Variants in SH3YL1 observed in about 807,000 individuals in gnomAD.
The protein encoded by SH3YL1 is SH3 domain-containing YSC84-like protein 1.
SH3YL1 carries 41 observed loss-of-function variants against 45.8 expected under a neutral mutation model. That is an observed-to-expected ratio of 0.89 (90% CI 0.70 to 1.16). The LOEUF is 1.16. SH3YL1 is among the 50% of genes most tolerant of loss of function. The pLI, the probability that SH3YL1 is intolerant of heterozygous loss-of-function variation, is 0.00. For synonymous variants in SH3YL1, 152 were observed against 151.4 expected (o/e 1.00, Z -0.03); for missense variants, 389 against 409.6 (o/e 0.95, Z 0.43).
At chr2:248,640 T>C (rs1259344021) in intron 3 of SH3YL1, among the ~76,000 whole-genome samples, 1 of 152,130 alleles carries the variant, frequency 6.6e-6, no homozygotes, top group East Asian at 1.9e-4. Context: ...GTATTGACTG[T>C]CCCTACCCTT....
At chr2:247,023 C>T (rs555255117) in intron 4 of SH3YL1, among the ~76,000 whole-genome samples, 2 of 152,318 alleles carry the variant, frequency 1.3e-5, no homozygotes, top group South Asian at 2.1e-4. Context: ...GTGTAGGAGG[C>T]CTCTGTGAGT....
intron 9 of SH3YL1, among the ~76,000 whole-genome samples, chr2:220,459 T>C (rs1667523681): frequency 6.6e-6 from 1 of 152,174 alleles, no homozygotes; most frequent in South Asian, 2.1e-4. Context: ...TATTTACTTT[T>C]AGTTAACAAT....
In SH3YL1 at chr2:218,814, A is replaced by G; in HGVS notation, c.1026T>C (p.Asn342=). Residue 342 remains asparagine, a synonymous_variant, in exon 10 of 10, where the codon AAT becomes AAC. Coordinates refer to ENST00000356150, the MANE Select transcript of SH3YL1 (RefSeq NM_015677.4). ...GIFPANYVTM[N] ...AAAGAAGAAAATAGTATACGCTTTAATTCATGGTTACGTAGTTGGCTGGAA... is the reference window on the plus strand; with the variant it reads ...AAAGAAGAAAATAGTATACGCTTTAGTTCATGGTTACGTAGTTGGCTGGAA... The G allele has an allele frequency of 1.2e-6, 2 of 1,610,102 alleles. No individual in the cohort carries two copies.
chr2:244,140 G>A (rs768651623), intron 4 of SH3YL1, among the ~76,000 whole-genome samples: 9 of 151,850 alleles, frequency 5.9e-5, no homozygotes, highest in Admixed American at 1.3e-4. Flanking sequence ...AAATGAGAGC[G>A]ATGACAACCA....
chr2:264,022 C>A lies in SH3YL1; in HGVS notation c.-38G>T. The A allele has an allele frequency of 7.1e-7, 1 of 1,411,332 alleles. No homozygotes were observed. The highest frequency in any genetic ancestry group is 1.5e-5 in the South Asian group (1 of 66,216). 87.4% of individuals were successfully genotyped at this position (1,411,332 alleles called of 1,614,324 possible). A position where few individuals can be genotyped will look rare whatever the true frequency, so the allele number is the denominator to read the frequency against. ...GCCGCGGCGCCCCGTCCCGAGGCTG[C>A]CCAGGAAGAGGAAGGCGCGCTGCCC... On this transcript the variant is annotated 5_prime_UTR_variant, in exon 1 of 10. Transcript: ENST00000356150.
chr2:247,020 A>C (rs1668845429), intron 4 of SH3YL1, among the ~76,000 whole-genome samples: 1 of 152,218 alleles, frequency 6.6e-6, no homozygotes, highest in African/African-American at 2.4e-5. Flanking sequence ...CCCGTGTAGG[A>C]GGCCTCTGTG....
At chr2:247,623 C>A in intron 3 of SH3YL1, 21 bp from the exon 4 acceptor site, 1 of 1,545,204 alleles carries the variant, frequency 6.5e-7, no homozygotes, top group Middle Eastern at 1.7e-4. Flanking sequence ...AACAAACGAA[C>A]GTTATCCTAA....
upstream of SH3YL1, chr2:264,074 G>C (rs928055455): frequency 7.4e-7 from 1 of 1,346,564 alleles, no homozygotes; most frequent in African/African-American, 1.5e-5. Flanking sequence ...AGGCCCCAGC[G>C]AGGGCGTACC....
intron 8 of SH3YL1, among the ~76,000 whole-genome samples, chr2:228,899 C>T (rs1449766728): frequency 1.3e-5 from 2 of 152,200 alleles, no homozygotes; most frequent in Admixed American, 1.3e-4. Context: ...GATGCGCTTC[C>T]CGCCTTCTGC....
intron 3 of SH3YL1, among the ~76,000 whole-genome samples, chr2:249,067 C>A (rs1049008980): frequency 6.6e-6 from 1 of 152,136 alleles, no homozygotes; most frequent in Non-Finnish European, 1.5e-5. Context: ...AATAGAAAAA[C>A]GTGTTCACTG....
intron 1 of SH3YL1, among the ~76,000 whole-genome samples, chr2:258,288 A>G (rs1239056228): frequency 6.6e-6 from 1 of 152,232 alleles, no homozygotes; most frequent in Non-Finnish European, 1.5e-5. Flanking sequence ...ATCCTTGAAC[A>G]AGGAATGTTT....
intron 4 of SH3YL1, among the ~76,000 whole-genome samples, chr2:234,988 C>T (rs940586997): frequency 6.6e-6 from 1 of 152,192 alleles, no homozygotes; most frequent in African/African-American, 2.4e-5. Flanking sequence ...AGTGATTCTC[C>T]TGTCTCAGCC....
chr2:233,190 G>GGCA lies in SH3YL1; in HGVS notation c.441_443dup (p.Ala148dup), dbSNP rs758383781. On this transcript the variant is annotated inframe_insertion, in exon 6 of 10. Transcript: ENST00000356150. ...CCCTTGACTTGCAGTACGTGAAGAC[G>GGCA]GCAGCGGAGCTTCTCAGGGCCACGT... 1.7e-5 allele frequency: 27 copies of GGCA among 1,592,426 alleles called. No individual in the cohort carries two copies. Among genetic ancestry groups the GGCA allele is most frequent in the Non-Finnish European group, 2.2e-5 (26 of 1,167,606 alleles).
Position 218,890 on chromosome 2 carries a change from T to C in SH3YL1, c.950A>G (p.Asp317Gly). ...TCCTTCCCACCAATCAAAATGTGAATCTGTTTTTGATATAACTGTGATTCT... is the reference window on the plus strand; with the variant it reads ...TCCTTCCCACCAATCAAAATGTGAACCTGTTTTTGATATAACTGTGATTCT... ...GDRITVISKT[D>G]SHFDWWEGKL... Residue 317 changes from aspartate (D) to glycine (G), a missense_variant, in exon 10 of 10, where the codon GAT becomes GGT. By Grantham distance (94) the Asp-to-Gly change is moderately conservative (BLOSUM62 -1). Transcript: ENST00000356150. The C allele has an allele frequency of 1.2e-6, 2 of 1,614,076 alleles. No homozygotes were observed. The highest frequency in any genetic ancestry group is 2.2e-5 in the South Asian group (2 of 91,048).
At chr2:248,902 G>A (rs1357227335) in intron 3 of SH3YL1, among the ~76,000 whole-genome samples, 3 of 152,190 alleles carry the variant, frequency 2.0e-5, no homozygotes, top group Non-Finnish European at 4.4e-5. Context: ...AGAGGTTTTT[G>A]TTGACTGCGG....
At chr2:243,243 G>C (rs1170556687) in intron 4 of SH3YL1, among the ~76,000 whole-genome samples, 1 of 151,724 alleles carries the variant, frequency 6.6e-6, no homozygotes, top group African/African-American at 2.4e-5. Context: ...CAGCACACAT[G>C]GAACATTGTA....
intron 1 of SH3YL1, 73 bp downstream of exon 1, chr2:263,908 GTCC>G: frequency 1.5e-5 from 19 of 1,296,356 alleles, no homozygotes; most frequent in Admixed American, 4.1e-5. Flanking sequence ...CGGTTTTCCC[GTCC>G]TCCTCCTCCC....
In SH3YL1 at chr2:219,835, G is replaced by A. The variant is rs566328499; in HGVS notation, c.839-834C>T. On this transcript the variant is annotated intron_variant, in intron 9 of 9. Coordinates refer to ENST00000356150, the MANE Select transcript of SH3YL1 (RefSeq NM_015677.4). Reference sequence around the variant, plus strand: ...GGGCTTTGTGGCTGTTTACATTTCTGTGCTTAATTGATCCATCCTCTCAAT... The same window carrying A: ...GGGCTTTGTGGCTGTTTACATTTCTATGCTTAATTGATCCATCCTCTCAAT... 2.0e-5 allele frequency among the ~76,000 whole-genome samples: 3 copies of A among 151,940 alleles called. No individual in the cohort carries two copies. In the East Asian group the frequency reaches 5.8e-4, roughly 29 times the overall value.
At chr2:221,025 G>A (rs979679957) in intron 9 of SH3YL1, among the ~76,000 whole-genome samples, 3 of 139,288 alleles carry the variant, frequency 2.2e-5, no homozygotes, top group African/African-American at 7.8e-5. Flanking sequence ...CAGCCACCGC[G>A]AACTGCTCAG....
Sources: allele counts gnomAD v4.1 joint callset (sites outside exome capture counted in the v4.1 genomes callset), GRCh38; gene constraint gnomAD v4.1.1; transcripts MANE v1.5; gene names NCBI Gene and HGNC (gene_info 2026-07-23, HGNC 2026-07-21).